SLC4A4: variants seen among roughly 807,000 people sequenced by gnomAD.
SLC4A4 encodes the protein solute carrier family 4 member 4, also known as electrogenic sodium bicarbonate cotransporter 1.
Under a neutral mutation model 111.5 loss-of-function variants are expected in SLC4A4, and 27 were observed. That is an observed-to-expected ratio of 0.24 (90% CI 0.18 to 0.33). The LOEUF (loss-of-function observed/expected upper bound fraction) is 0.33, where lower values mean the gene tolerates loss of function less well. Among genes scored for constraint, SLC4A4 ranks in the 10% least tolerant of loss-of-function variants. The probability of loss-of-function intolerance (pLI) is 1.00; values close to 1 mark genes in which losing one functional copy is unlikely to be tolerated. For synonymous variants in SLC4A4, 443 were observed against 463.4 expected (o/e 0.96, Z 0.57); for missense variants, 909 against 1,315.5 (o/e 0.69, Z 4.78).
intron 16 of SLC4A4, among the ~76,000 whole-genome samples, chr4:71,511,129 C>G (rs758089445): frequency 2.0e-5 from 3 of 152,016 alleles, no homozygotes; most frequent in Admixed American, 6.6e-5. Context: ...TCCTTTATAT[C>G]AAATATATAA....
chr4:71,336,952 T>C (rs1728479123), intron 3 of SLC4A4, among the ~76,000 whole-genome samples: 1 of 152,244 alleles, frequency 6.6e-6, no homozygotes, highest in South Asian at 2.1e-4. Flanking sequence ...TCCAGTTCTG[T>C]CTTTGATTAT....
chr4:71,514,291 A>G (rs1475139970), intron 16 of SLC4A4, among the ~76,000 whole-genome samples: 1 of 152,020 alleles, frequency 6.6e-6, no homozygotes, highest in Non-Finnish European at 1.5e-5. Context: ...TTCTCACAAG[A>G]TCTGGTCATT....
At chr4:71,123,339 C>G (rs1478595701) in intron 2 of SLC4A4, among the ~76,000 whole-genome samples, 1 of 152,018 alleles carries the variant, frequency 6.6e-6, no homozygotes, top group Non-Finnish European at 1.5e-5. Flanking sequence ...AAGAAAGTTT[C>G]CAAAGAGAAA....
chr4:71,278,825 T>C (rs1723278683), intron 3 of SLC4A4, among the ~76,000 whole-genome samples: 1 of 152,210 alleles, frequency 6.6e-6, no homozygotes, highest in Admixed American at 6.5e-5. Context: ...CTATTTTTGC[T>C]GTTGAGTTGT....
chr4:71,341,073 T>C (rs1165369524), intron 4 of SLC4A4, among the ~76,000 whole-genome samples: 1 of 152,198 alleles, frequency 6.6e-6, no homozygotes, highest in East Asian at 1.9e-4. Context: ...GATTCCAATG[T>C]ATTTCACTTT....
At chr4:71,115,609 T>A (rs1743223654) in intron 2 of SLC4A4, among the ~76,000 whole-genome samples, 1 of 152,176 alleles carries the variant, frequency 6.6e-6, no homozygotes, top group South Asian at 2.1e-4. Context: ...ATGGTTAGGT[T>A]TAGAGGGCAA....
intron 3 of SLC4A4, among the ~76,000 whole-genome samples, chr4:71,321,568 C>T (rs1004425203): frequency 2.6e-5 from 4 of 151,886 alleles, no homozygotes; most frequent in African/African-American, 4.8e-5. Context: ...CATTTATTGG[C>T]TCACCCCCAG....
chr4:71,345,046 T>G (rs940851736), intron 4 of SLC4A4, among the ~76,000 whole-genome samples: 1 of 152,154 alleles, frequency 6.6e-6, no homozygotes, highest in Non-Finnish European at 1.5e-5. Context: ...CCCTTTTACG[T>G]CCTTTACCTG....
intron 24 of SLC4A4, among the ~76,000 whole-genome samples, chr4:71,566,526 A>T (rs1737484402): frequency 6.6e-6 from 1 of 151,822 alleles, no homozygotes; most frequent in Non-Finnish European, 1.5e-5. Flanking sequence ...AACAAAATAC[A>T]CTTGAGCATT....
chr4:71,560,804 A>G (rs1023308293), intron 23 of SLC4A4, among the ~76,000 whole-genome samples: 1 of 151,816 alleles, frequency 6.6e-6, no homozygotes, highest in South Asian at 2.1e-4. Context: ...TAAAAAGAAA[A>G]GGGAATGGGA....
rs185858142 is a variant in SLC4A4 at position 71,563,690 on chromosome 4, G to C, written c.3100-103G>C. On this transcript the variant is annotated intron_variant, in intron 23 of 25. Transcript: ENST00000264485. ...AGTAATTATAAGGCTTTTCTCCTTA[G>C]TAGTATGTAAATGATTATAGAAAAC... The C allele has an allele frequency of 3.7e-5, 29 of 787,068 alleles. No homozygotes were observed. In the East Asian group the frequency reaches 7.1e-4, roughly 19 times the overall value. 48.8% of individuals were successfully genotyped at this position (787,068 alleles called of 1,614,324 possible).
chr4:71,552,383 A>AAG (rs889046362), intron 20 of SLC4A4, among the ~76,000 whole-genome samples: 1 of 151,754 alleles, frequency 6.6e-6, no homozygotes, highest in Non-Finnish European at 1.5e-5. Flanking sequence ...ACACATACAC[A>AAG]CACACACATA....
chr4:71,457,076 GTGT>G (rs1363236601), intron 12 of SLC4A4, among the ~76,000 whole-genome samples: 2 of 152,104 alleles, frequency 1.3e-5, no homozygotes, highest in East Asian at 3.9e-4. Context: ...GGGTAGAAAC[GTGT>G]TGTGAAAACA....
chr4:71,167,583 A>T (rs1156777683), intron 2 of SLC4A4, among the ~76,000 whole-genome samples: 1 of 152,122 alleles, frequency 6.6e-6, no homozygotes, highest in Admixed American at 6.5e-5. Flanking sequence ...CAATCAGGAG[A>T]ATGTAAGTGT....
chr4:71,520,864 T>C (rs897037896), intron 16 of SLC4A4, among the ~76,000 whole-genome samples: 3 of 151,586 alleles, frequency 2.0e-5, no homozygotes, highest in African/African-American at 7.3e-5. Flanking sequence ...TGGCTAGGGG[T>C]GGGAGAGAGA....
chr4:71,140,427 AAAAC>A (rs529874374), intron 2 of SLC4A4, among the ~76,000 whole-genome samples: 56 of 151,990 alleles, frequency 3.7e-4, no homozygotes, highest in African/African-American at 6.1e-4. Context: ...TTGCAAAAAC[AAAAC>A]AAACAAACAA....
chr4:71,370,367 T>A (rs748645698), intron 6 of SLC4A4, among the ~76,000 whole-genome samples: 5 of 152,192 alleles, frequency 3.3e-5, no homozygotes, highest in Non-Finnish European at 7.4e-5. Context: ...ACAATGAAGC[T>A]CTAACACTCA....
At chr4:71,091,793 C>G (rs1417155757) in intron 1 of SLC4A4, among the ~76,000 whole-genome samples, 1 of 152,106 alleles carries the variant, frequency 6.6e-6, no homozygotes, top group Non-Finnish European at 1.5e-5. Context: ...ACTCATTTTG[C>G]AAAACTGCAT....
intron 7 of SLC4A4, among the ~76,000 whole-genome samples, chr4:71,421,683 C>A (rs2149023446): frequency 6.6e-6 from 1 of 152,298 alleles, no homozygotes; most frequent in Non-Finnish European, 1.5e-5. Context: ...TTAAGAAACT[C>A]ACTCAAAACC....
Sources: gnomAD v4.1 joint callset for allele counts (sites outside exome capture counted in the v4.1 genomes callset) on GRCh38, gnomAD v4.1.1 for gene constraint, MANE v1.5 for transcripts, NCBI Gene and HGNC (gene_info 2026-07-23, HGNC 2026-07-21) for gene names.